The following HCN3 variants were observed in gnomAD, a reference collection of about 807,000 sequenced individuals.
HCN3 encodes the protein hyperpolarization activated cyclic nucleotide gated potassium channel 3.
HCN3 carries 36 observed loss-of-function variants against 56.8 expected under a neutral mutation model. The observed-to-expected ratio is 0.63, with a 90% CI of 0.49 to 0.84. The LOEUF is 0.84. Ranked by LOEUF, HCN3 falls within the 40% of genes least tolerant of loss-of-function variation. The probability of loss-of-function intolerance (pLI) is 0.00; values close to 1 mark genes in which losing one functional copy is unlikely to be tolerated. For synonymous variants in HCN3, 425 were observed against 439.7 expected (o/e 0.97, Z 0.42); for missense variants, 930 against 1,079.3 (o/e 0.86, Z 1.94).
At position 155,282,754 on chromosome 1, in the gene HCN3, C is replaced by A; in HGVS notation, c.622C>A (p.Arg208Ser). The A allele has an allele frequency of 2.5e-6, 4 of 1,614,148 alleles. No homozygotes were observed. The highest frequency in any genetic ancestry group is 3.4e-6 in the Non-Finnish European group (4 of 1,180,034). Residue 208 changes from arginine to serine, a missense_variant, in exon 2 of 8, where the codon CGC becomes AGC. By Grantham distance (110) the Arg-to-Ser change is moderately radical. Coordinates refer to ENST00000368358, the MANE Select transcript of HCN3 (RefSeq NM_020897.3). The surrounding 1 kb of genome is among the most constrained non-coding windows in gnomAD (Gnocchi z 4.7). Reference protein sequence around the residue: ...AEVYKTARALRIVRFTKILSL... With the variant: ...AEVYKTARALSIVRFTKILSL... The stretch of plus-strand genomic sequence containing the variant: ...GGTCTACAAAACGGCACGGGCCCTA[C>A]GCATCGTTCGCTTCACCAAGATCCT...
chr1:155,281,286 G>A (rs1332692558), intron 1 of HCN3, among the ~76,000 whole-genome samples: 1 of 150,760 alleles, frequency 6.6e-6, no homozygotes, highest in Non-Finnish European at 1.5e-5. Flanking sequence ...GGCCAGGATG[G>A]TCTCGAGCTC....
At position 155,285,669 on chromosome 1, in the gene HCN3, G is replaced by A; in HGVS notation, c.1237-55G>A. Reference sequence around the variant, plus strand: ...GTTTCTGGAAGCGGATGAGCTCGGTGGGATCATCTCAGGTCAGGGGCACAG... The same window carrying A: ...GTTTCTGGAAGCGGATGAGCTCGGTAGGATCATCTCAGGTCAGGGGCACAG... On this transcript the variant is annotated intron_variant, in intron 5 of 7. Transcript: ENST00000368358. This position sits in a 1 kb window ranked among gnomAD's most constrained non-coding sequence, Gnocchi z 4.5. The A allele has an allele frequency of 6.2e-7, 1 of 1,601,530 alleles. No homozygotes were observed.
intron 1 of HCN3, among the ~76,000 whole-genome samples, chr1:155,279,795 A>G (rs1673948150): frequency 6.6e-6 from 1 of 152,068 alleles, no homozygotes; most frequent in African/African-American, 2.4e-5. Flanking sequence ...CTCCATGTAA[A>G]TGTTTTCAGC....
rs1247183894 is a variant in HCN3, at chr1:155,277,713, G to C, written c.123G>C (p.Gly41=). ...TAASGPIPKS[G]PEPKRRHLGT... is the part of the protein sequence containing the mutation. ...CCTCAGGTCCGATCCCCAAATCTGGGCCTGAGCCTAAGAGGAGGCACCTTG... is the reference window on the plus strand; with the variant it reads ...CCTCAGGTCCGATCCCCAAATCTGGCCCTGAGCCTAAGAGGAGGCACCTTG... Residue 41 remains glycine (G), a synonymous_variant, in exon 1 of 8, where the codon GGG becomes GGC. Transcript: ENST00000368358. 1 of 1,582,140 alleles carries C rather than the reference G, an allele frequency of 6.3e-7. No homozygotes were observed. Among genetic ancestry groups the C allele is most frequent in the African/African-American group, 1.3e-5 (1 of 74,208 alleles).
At position 155,285,937 on chromosome 1, in the gene HCN3, C is replaced by T. The variant is rs751634062; in HGVS notation, c.1450C>T (p.Arg484Cys). Residue 484 changes from arginine to cysteine, a missense_variant, in exon 6 of 8, where the codon CGC becomes TGC. Coordinates refer to ENST00000368358, the MANE Select transcript of HCN3 (RefSeq NM_020897.3). The surrounding 1 kb of genome is among the most constrained non-coding windows in gnomAD (Gnocchi z 4.5). ...GCTGGCCCGCGGCGCCCGGGACACA[C>T]GCCTCACCGATGGATCCTACTTTGG... ...SVLARGARDT[R>C]LTDGSYFGEI... 1.5e-5 allele frequency: 24 copies of T among 1,598,056 alleles called. No homozygotes were observed. The highest frequency in any genetic ancestry group is 1.5e-5 in the Non-Finnish European group (17 of 1,168,598).
At position 155,277,656 on chromosome 1, in the gene HCN3, GCCT is replaced by G. The variant is rs1673859372; in HGVS notation, c.69_71del (p.Pro24del). The G allele has an allele frequency of 6.4e-7, 1 of 1,554,418 alleles. No individual in the cohort carries two copies. The highest frequency in any genetic ancestry group is 2.4e-5 in the East Asian group (1 of 41,460). On this transcript the variant is annotated inframe_deletion, in exon 1 of 8. Coordinates refer to ENST00000368358, the MANE Select transcript of HCN3 (RefSeq NM_020897.3). ...GGGCGACCCCTGGACTGGAGGCGGT[GCCT>G]CCCGTTGCTCCCCCGCCTGCGACCG...
In HCN3 at chr1:155,284,510, C is replaced by T; in HGVS notation, c.871-29C>T. The T allele has an allele frequency of 6.3e-7, 1 of 1,590,926 alleles. No homozygotes were observed. Among genetic ancestry groups the T allele is most frequent in the Non-Finnish European group, 8.6e-7 (1 of 1,163,804 alleles). The stretch of plus-strand genomic sequence containing the variant: ...GAATGAGGCTCCGAGGGGCCCATGC[C>T]CAGCTCTGCAATATACTCTGCCCCT... On this transcript the variant is annotated intron_variant, in intron 3 of 7. Transcript: ENST00000368358. This position sits in a 1 kb window ranked among gnomAD's most constrained non-coding sequence, Gnocchi z 4.3.
intron 1 of HCN3, among the ~76,000 whole-genome samples, chr1:155,279,006 C>T (rs914995510): frequency 6.6e-6 from 1 of 152,148 alleles, no homozygotes; most frequent in African/African-American, 2.4e-5. Flanking sequence ...CTTTCCCTCC[C>T]CTCTCTTAGT....
In HCN3 at chr1:155,284,289, C is replaced by A. The variant is rs942251305; in HGVS notation, c.870+154C>A. 2 of 953,668 alleles carry A rather than the reference C, an allele frequency of 2.1e-6. No homozygotes were observed. The highest frequency in any genetic ancestry group is 3.1e-6 in the Non-Finnish European group (2 of 650,036). 59.1% of individuals were successfully genotyped at this position (953,668 alleles called of 1,614,324 possible). A position where few individuals can be genotyped will look rare whatever the true frequency, so the allele number is the denominator to read the frequency against. On this transcript the variant is annotated intron_variant, in intron 3 of 7. Coordinates refer to ENST00000368358, the MANE Select transcript of HCN3 (RefSeq NM_020897.3). This position sits in a 1 kb window ranked among gnomAD's most constrained non-coding sequence, Gnocchi z 4.3. ...GAGGAGGGAGGAAAGGGGAAGGAGA[C>A]CCAGAAGAAGTGCTCGTGTGTTGGA...
Position 155,285,084 on chromosome 1 carries a change from C to A in HCN3, c.1090-81C>A. ...TTTGAGTTTGACCTGTGTCTCTGAC[C>A]TTCCGCACACACACCCCACTGTGCC... On this transcript the variant is annotated intron_variant, in intron 4 of 7. Transcript: ENST00000368358. The surrounding 1 kb of genome is among the most constrained non-coding windows in gnomAD (Gnocchi z 4.5). 6.5e-7 allele frequency: 1 copy of A among 1,527,668 alleles called. No homozygotes were observed. Among genetic ancestry groups the A allele is most frequent in the Non-Finnish European group, 8.9e-7 (1 of 1,120,896 alleles). The allele number at this position is 1,527,668 out of a possible 1,614,324, so 94.6% of individuals were successfully genotyped here.
rs958044347 is a variant in HCN3 at position 155,277,468 on chromosome 1, C to A, written c.-123C>A. The A allele has an allele frequency of 1.6e-6, 2 of 1,256,350 alleles. No homozygotes were observed. The highest frequency in any genetic ancestry group is 2.1e-6 in the Non-Finnish European group (2 of 937,838). 77.8% of individuals were successfully genotyped at this position (1,256,350 alleles called of 1,614,324 possible). On this transcript the variant is annotated 5_prime_UTR_variant, in exon 1 of 8. Coordinates refer to ENST00000368358, the MANE Select transcript of HCN3 (RefSeq NM_020897.3). ...CCTCCGCCCCGCGCGCCGGCGATTCCGAGCCTACGACGCCTCCGCTAGAGC... is the reference window on the plus strand; with the variant it reads ...CCTCCGCCCCGCGCGCCGGCGATTCAGAGCCTACGACGCCTCCGCTAGAGC...
In HCN3 at chr1:155,282,593, G is replaced by T. The variant is rs1296599915; in HGVS notation, c.461G>T (p.Gly154Val). The change falls in exon 2 of 8, where the codon GGT (glycine) becomes GTT (valine). Residue 154 changes from glycine to valine, a missense_variant. Transcript: ENST00000368358. The surrounding 1 kb of genome is among the most constrained non-coding windows in gnomAD (Gnocchi z 4.7). ...NFRTGIVVEE[G>V]AEILLAPRAI... ...CGAACGGGCATCGTGGTGGAGGAGGGTGCTGAGATCCTGCTGGCACCGCGG... is the reference window on the plus strand; with the variant it reads ...CGAACGGGCATCGTGGTGGAGGAGGTTGCTGAGATCCTGCTGGCACCGCGG... The T allele has an allele frequency of 6.2e-7, 1 of 1,614,238 alleles. No homozygotes were observed. The highest frequency in any genetic ancestry group is 1.1e-5 in the South Asian group (1 of 91,086).
Position 155,284,281 on chromosome 1 carries a change from GA to G in HCN3, c.870+148del. On this transcript the variant is annotated intron_variant, in intron 3 of 7. Transcript: ENST00000368358. The surrounding 1 kb of genome is among the most constrained non-coding windows in gnomAD (Gnocchi z 4.3). ...GAGGTGGGGAGGAGGGAGGAAAGGG[GA>G]AGGAGACCCAGAAGAAGTGCTCGTG... The G allele has an allele frequency of 1.0e-6, 1 of 996,738 alleles. No individual in the cohort carries two copies. The highest frequency in any genetic ancestry group is 1.5e-6 in the Non-Finnish European group (1 of 686,062). The allele number at this position is 996,738 out of a possible 1,614,324, so 61.7% of individuals were successfully genotyped here.
At position 155,285,688 on chromosome 1, in the gene HCN3, G is replaced by A. The variant is rs991126266; in HGVS notation, c.1237-36G>A. 3.1e-6 allele frequency: 5 copies of A among 1,611,154 alleles called. No homozygotes were observed. Among genetic ancestry groups the A allele is most frequent in the African/African-American group, 2.7e-5 (2 of 74,882 alleles). The stretch of plus-strand genomic sequence containing the variant: ...CTCGGTGGGATCATCTCAGGTCAGG[G>A]GCACAGCCTGCCTGACAGGCCCCTC... On this transcript the variant is annotated intron_variant, in intron 5 of 7. Transcript: ENST00000368358. This position sits in a 1 kb window ranked among gnomAD's most constrained non-coding sequence, Gnocchi z 4.5.
At chr1:155,280,991 C>T (rs1403040237) in intron 1 of HCN3, among the ~76,000 whole-genome samples, 2 of 141,842 alleles carry the variant, frequency 1.4e-5, no homozygotes, top group Non-Finnish European at 1.5e-5. Flanking sequence ...CAGCCTCAGG[C>T]GATCCGCCCA....
In HCN3 at chr1:155,284,708, C is replaced by T. The variant is rs1264738812; in HGVS notation, c.1040C>T (p.Thr347Met). ...TCYAMFIGHA[T>M]ALIQSLDSSR... The stretch of plus-strand genomic sequence containing the variant: ...TACGCCATGTTCATCGGCCATGCCA[C>T]GGCACTCATCCAGTCCCTGGACTCT... The change falls in exon 4 of 8, where the codon ACG (threonine) becomes ATG (methionine). Residue 347 changes from threonine to methionine, a missense_variant. By Grantham distance (81) the Thr-to-Met change is moderately conservative. Transcript: ENST00000368358. This position sits in a 1 kb window ranked among gnomAD's most constrained non-coding sequence, Gnocchi z 4.3. 4 of 1,614,204 alleles carry T rather than the reference C, an allele frequency of 2.5e-6. No individual in the cohort carries two copies. Among genetic ancestry groups the T allele is most frequent in the Non-Finnish European group, 3.4e-6 (4 of 1,180,040 alleles).
intron 6 of HCN3, 79 bp from the exon 7 acceptor site, chr1:155,287,094 G>C: frequency 6.6e-7 from 1 of 1,522,936 alleles, no homozygotes; most frequent in African/African-American, 1.4e-5. Flanking sequence ...TTAGAAAGTT[G>C]GGTCCACTGC....
intron 6 of HCN3, 146 bp downstream of exon 6, chr1:155,286,110 G>A: frequency 1.7e-6 from 2 of 1,184,602 alleles, no homozygotes; most frequent in Admixed American, 2.4e-5. Flanking sequence ...GAATCTCTGG[G>A]CTGGGGTCTG....
rs368234791 is a variant in HCN3, at chr1:155,285,363, G to A, written c.1236+52G>A. 1.9e-6 allele frequency: 3 copies of A among 1,600,664 alleles called. No homozygotes were observed. Among genetic ancestry groups the A allele is most frequent in the Non-Finnish European group, 2.6e-6 (3 of 1,172,348 alleles). On this transcript the variant is annotated intron_variant, in intron 5 of 7. Transcript: ENST00000368358. This position sits in a 1 kb window ranked among gnomAD's most constrained non-coding sequence, Gnocchi z 4.5. ...GGGCTCTTCAGGGACCTGGAGTGCT[G>A]TCTGGTGGTAGGGGCTATTGGTCAG...
Sources: allele counts gnomAD v4.1 joint callset (sites outside exome capture counted in the v4.1 genomes callset), GRCh38; gene constraint gnomAD v4.1.1; non-coding constraint Gnocchi (gnomAD v3.1); transcripts MANE v1.5; gene names NCBI Gene and HGNC (gene_info 2026-07-23, HGNC 2026-07-21).